Variants in FBN3 observed in about 807,000 individuals in gnomAD.
FBN3 encodes the protein fibrillin 3.
Under a neutral mutation model 330.1 loss-of-function variants are expected in FBN3, and 234 were observed. The observed-to-expected ratio is 0.71, with a 90% CI of 0.64 to 0.79. FBN3 has a LOEUF of 0.79. Ranked by LOEUF, FBN3 falls within the 30% of genes least tolerant of loss-of-function variation. FBN3 has a pLI of 0.00. For missense variants in FBN3, 3,606 were observed against 3,886.9 expected (o/e 0.93, Z 1.92); for synonymous variants, 1,458 against 1,517.3 (o/e 0.96, Z 0.91).
intron 6 of FBN3, among the ~76,000 whole-genome samples, chr19:8,143,332 A>G (rs566109195): frequency 3.9e-5 from 6 of 152,154 alleles, no homozygotes; most frequent in African/African-American, 1.4e-4. Context: ...CACTGAGCTC[A>G]GAGTCCTCCT....
chr19:8,126,248 T>C (rs748806806), intron 21 of FBN3, 49 bp downstream of exon 21: 9 of 1,559,716 alleles, frequency 5.8e-6, no homozygotes, highest in Admixed American at 1.9e-5. Flanking sequence ...CGCCTGGTTG[T>C]GTGCGGGCTC....
rs1275620168 is a variant in FBN3 at position 8,130,607 on chromosome 19, A to AGGAAGGAAGGAAGGAAGGAAGGAAGGAAG, written c.2044+627_2044+628insCTTCCTTCCTTCCTTCCTTCCTTCCTTCC. On this transcript the variant is annotated intron_variant, in intron 16 of 63. Coordinates refer to ENST00000600128, the MANE Select transcript of FBN3 (RefSeq NM_032447.5). ...ATGAAAGAAAGAAAGAAAGAAAGAA[A>AGGAAGGAAGGAAGGAAGGAAGGAAGGAAG]GAAAGAAAGAAAGAAAGAAAGAAAG... Among the ~76,000 whole-genome samples, 2 of 15,142 alleles carry AGGAAGGAAGGAAGGAAGGAAGGAAGGAAG rather than the reference A, an allele frequency of 1.3e-4. 1 individual carries two copies. The highest frequency in any genetic ancestry group is 9.2e-4 in the African/African-American group (2 of 2,176). The allele number at this position is 15,142 out of a possible 152,430, so 9.9% of individuals were successfully genotyped here.
intron 55 of FBN3, 64 bp from the exon 56 acceptor site, chr19:8,085,633 G>C: frequency 7.5e-7 from 1 of 1,324,544 alleles, no homozygotes; most frequent in Non-Finnish European, 1.0e-6. Flanking sequence ...CAAAGACTGA[G>C]CTTGCTTTGG....
intron 57 of FBN3, among the ~76,000 whole-genome samples, chr19:8,081,747 T>C (rs760194197): frequency 2.8e-4 from 42 of 152,332 alleles, no homozygotes; most frequent in Admixed American, 2.4e-3. Context: ...TGTGTGCTAA[T>C]AAAACTTTAT....
At chr19:8,126,197 A>T in intron 21 of FBN3, 100 bp downstream of exon 21, 1 of 1,448,362 alleles carries the variant, frequency 6.9e-7, no homozygotes, top group Non-Finnish European at 9.5e-7. Flanking sequence ...ATCGCAAAAG[A>T]CTCCAGGGCG....
rs867336225 is a variant in FBN3, at chr19:8,117,541, C to G, written c.3386G>C (p.Cys1129Ser). The change falls in exon 27 of 64, where the codon TGT (cysteine) becomes TCT (serine). Residue 1129 changes from cysteine (C) to serine (S), a missense_variant. Transcript: ENST00000600128. ...CTGGAAGGCACCGATGACATTGACA[C>G]ACTGGCCATGGGGACACAGGCCATC... ...LSDGLCPHGQ[C>S]VNVIGAFQCS... 1.3e-6 allele frequency: 2 copies of G among 1,557,978 alleles called. No homozygotes were observed. The highest frequency in any genetic ancestry group is 2.7e-5 in the African/African-American group (2 of 73,368).
rs986623465 is a variant in FBN3 at position 8,109,262 on chromosome 19, C to T, written c.4583G>A (p.Gly1528Asp). 3 of 1,614,170 alleles carry T rather than the reference C, an allele frequency of 1.9e-6. No homozygotes were observed. Among genetic ancestry groups the T allele is most frequent in the Middle Eastern group, 1.6e-4 (1 of 6,062 alleles). Residue 1528 changes from glycine (G) to aspartate (D), a missense_variant, in exon 36 of 64, where the codon GGC becomes GAC. Physicochemically the swap from Gly to Asp is moderately conservative, Grantham distance 94. Transcript: ENST00000600128. The surrounding 1 kb of genome is among the most constrained non-coding windows in gnomAD (Gnocchi z 5.2). ...SCCCSLGRAW[G>D]NPCELCPMAN... ...CATAGGGCACAGCTCACAGGGATTG[C>T]CCCAAGCCCGGCCCAGGGAGCAACA...
chr19:8,120,238 C>G (rs1212122267), intron 25 of FBN3, among the ~76,000 whole-genome samples: 2 of 140,636 alleles, frequency 1.4e-5, no homozygotes, highest in Non-Finnish European at 3.1e-5. Context: ...GGCGCGATCT[C>G]GGCTCACTGC....
chr19:8,087,108 C>A lies in FBN3; in HGVS notation c.6723G>T (p.Arg2241=). ...AGCCCTCCCCAGAGCCAGGCAGGGG[C>A]CGCATGCCTGGGGGACAGACGCACG... ...TFACVCPPGM[R]PLPGSGEGCT... is the part of the protein sequence containing the mutation. The change falls in exon 54 of 64, where the codon CGG becomes CGT. Residue 2241 remains arginine, a synonymous_variant. Coordinates refer to ENST00000600128, the MANE Select transcript of FBN3 (RefSeq NM_032447.5). 6.2e-7 allele frequency: 1 copy of A among 1,610,268 alleles called. No homozygotes were observed.
At chr19:8,128,479 G>T (rs765296999) in intron 18 of FBN3, among the ~76,000 whole-genome samples, 1 of 151,582 alleles carries the variant, frequency 6.6e-6, no homozygotes, top group Middle Eastern at 3.2e-3. Flanking sequence ...CAGGAGAATC[G>T]CTTGAACTAG....
At position 8,087,286 on chromosome 19, in the gene FBN3, C is replaced by A. The variant is rs79069797; in HGVS notation, c.6620-75G>T. 1.6e-3 allele frequency: 2,297 copies of A among 1,467,836 alleles called. 54 individuals are homozygous for A. In the South Asian group the frequency reaches 0.03, roughly 19 times the overall value. The allele number at this position is 1,467,836 out of a possible 1,614,324, so 90.9% of individuals were successfully genotyped here. A position where few individuals can be genotyped will look rare whatever the true frequency, so the allele number is the denominator to read the frequency against. On this transcript the variant is annotated intron_variant, in intron 53 of 63. Coordinates refer to ENST00000600128, the MANE Select transcript of FBN3 (RefSeq NM_032447.5). The stretch of plus-strand genomic sequence containing the variant: ...CTGTGGGGACCTGGATTCCACCCTG[C>A]GTCAGCCCTGTGGGACCTGAGTGAG...
intron 38 of FBN3, among the ~76,000 whole-genome samples, chr19:8,104,184 C>T (rs1031664553): frequency 2.9e-4 from 25 of 87,066 alleles, no homozygotes; most frequent in African/African-American, 1.0e-3. Flanking sequence ...AAAAAAAAAA[C>T]ATTTACAAGC....
chr19:8,069,797 G>C (rs895502420), intron 63 of FBN3, among the ~76,000 whole-genome samples: 4 of 152,054 alleles, frequency 2.6e-5, no homozygotes, highest in Non-Finnish European at 4.4e-5. Flanking sequence ...TATGTTACCC[G>C]GGCTGGTCTC....
chr19:8,076,247 C>CGTGTGTGTGTGTGTGTGTGT (rs34549426), intron 59 of FBN3, among the ~76,000 whole-genome samples: 34 of 147,644 alleles, frequency 2.3e-4, no homozygotes, highest in African/African-American at 5.3e-4. Flanking sequence ...TGTCCGTGTG[C>CGTGTGTGTGTGTGTGTGTGT]GTGTGTGTGT....
intron 63 of FBN3, among the ~76,000 whole-genome samples, chr19:8,066,749 G>A (rs2145323993): frequency 6.6e-6 from 1 of 151,994 alleles, no homozygotes; most frequent in East Asian, 1.9e-4. Context: ...CGTGGTGGCG[G>A]GCGCCTGTAG....
intron 53 of FBN3, 36 bp from the exon 54 acceptor site, chr19:8,087,247 C>A (rs752572853): frequency 3.2e-5 from 49 of 1,540,772 alleles, no homozygotes; most frequent in South Asian, 1.2e-4. Context: ...CAGTCAAGGC[C>A]AGGCACCCTA....
At position 8,136,242 on chromosome 19, in the gene FBN3, G is replaced by A. The variant is rs778244854; in HGVS notation, c.1413C>T (p.His471=). Residue 471 remains histidine, a synonymous_variant, in exon 12 of 64, where the codon CAC becomes CAT. Transcript: ENST00000600128. ...CCTGGAAGCCCGGGTAGCACCGGCA[G>A]TGGTAGGTGCCGGGGATGTTGACGC... ...GDCVNIPGTY[H]CRCYPGFQAT... The A allele has an allele frequency of 3.1e-6, 5 of 1,610,836 alleles. No homozygotes were observed. In the Admixed American group the frequency reaches 8.4e-5, roughly 27 times the overall value.
Position 8,142,099 on chromosome 19 carries a change from C to CG in FBN3, c.579dup (p.Glu194ArgfsTer30), listed in dbSNP as rs771340104. The CG allele has an allele frequency of 3.7e-6, 6 of 1,613,098 alleles. No individual in the cohort carries two copies. The highest frequency in any genetic ancestry group is 3.3e-5 in the Admixed American group (2 of 59,988). Reference sequence around the variant, plus strand: ...CCCGTCAGCTGATGCTGGCACCCCTCGGGGCCTACTTGGCCAAAGCAGGGT... The same window carrying CG: ...CCCGTCAGCTGATGCTGGCACCCCTCGGGGGCCTACTTGGCCAAAGCAGGGT... On this transcript the variant is annotated frameshift_variant, in exon 7 of 64. Transcript: ENST00000600128. LOFTEE classifies it high-confidence loss of function.
intron 31 of FBN3, 34 bp downstream of exon 31, chr19:8,111,943 G>T (rs1330762512): frequency 4.0e-6 from 5 of 1,261,616 alleles, no homozygotes; most frequent in South Asian, 3.2e-5. Context: ...TACCTCTACT[G>T]CTTTGCCCCC....
Sources: allele counts gnomAD v4.1 joint callset (sites outside exome capture counted in the v4.1 genomes callset), GRCh38; gene constraint gnomAD v4.1.1; non-coding constraint Gnocchi (gnomAD v3.1); transcripts MANE v1.5; gene names NCBI Gene and HGNC (gene_info 2026-07-23, HGNC 2026-07-21).